The following SYT3 variants were observed in gnomAD, a reference collection of about 807,000 sequenced individuals.
The protein encoded by SYT3 is synaptotagmin 3, also known as synaptotagmin-3.
A neutral mutation model predicts 50.6 loss-of-function variants in SYT3; 25 were observed. The ratio of observed to expected loss-of-function variants is 0.49; its 90% CI spans 0.36 to 0.69. The LOEUF (loss-of-function observed/expected upper bound fraction) is 0.69. SYT3 is among the 30% of genes least tolerant of loss of function. The pLI, the probability that SYT3 is intolerant of heterozygous loss-of-function variation, is 0.00. For synonymous variants in SYT3, 323 were observed against 353.9 expected (o/e 0.91, Z 0.98); for missense variants, 589 against 793.6 (o/e 0.74, Z 3.10).
the SYT3 span, among the ~76,000 whole-genome samples, chr19:50,648,080 C>A: frequency 9.2e-5 from 14 of 152,130 alleles, no homozygotes; most frequent in African/African-American, 2.7e-4. Context: ...GTGTTCCAAT[C>A]ATCTCCAGGA....
chr19:50,643,726 C>A (rs1435673712), upstream of SYT3, among the ~76,000 whole-genome samples: 1 of 151,426 alleles, frequency 6.6e-6, no homozygotes, highest in Non-Finnish European at 1.5e-5. Context: ...TTTTAGACAG[C>A]AGGGATTCAT....
In SYT3 at chr19:50,626,944, C is replaced by T. The variant is rs551973367; in HGVS notation, c.1282-927G>A. On this transcript the variant is annotated intron_variant, in intron 6 of 10. Coordinates refer to ENST00000600079, the MANE Select transcript of SYT3 (RefSeq NM_001160329.2). ...GACTCAGATACCCTACTCCCTGCACCAAGAGAAAGAGAGAGAGAGAGAGAG... is the reference window on the plus strand; with the variant it reads ...GACTCAGATACCCTACTCCCTGCACTAAGAGAAAGAGAGAGAGAGAGAGAG... 3.3e-5 allele frequency among the ~76,000 whole-genome samples: 5 copies of T among 149,644 alleles called. No homozygotes were observed. The South Asian group carries it at 1.1e-3, about 32-fold the overall frequency.
Position 50,625,640 on chromosome 19 carries a change from C to T in SYT3, c.1403-76G>A, listed in dbSNP as rs1019345533. The T allele has an allele frequency of 6.8e-6, 10 of 1,480,304 alleles. No individual in the cohort carries two copies. Among genetic ancestry groups the T allele is most frequent in the Admixed American group, 5.2e-5 (2 of 38,334 alleles). The allele number at this position is 1,480,304 out of a possible 1,614,324, so 91.7% of individuals were successfully genotyped here. ...GGGTCCAGGACCCCAGGCCCCGAGC[C>T]CCTCCTCCCTCAGACCCAGAGGTCC... On this transcript the variant is annotated intron_variant, in intron 7 of 10. Coordinates refer to ENST00000600079, the MANE Select transcript of SYT3 (RefSeq NM_001160329.2). The surrounding 1 kb of genome is among the most constrained non-coding windows in gnomAD (Gnocchi z 7.5).
the SYT3 span, chr19:50,656,111 C>T: frequency 2.0e-6 from 3 of 1,536,164 alleles, no homozygotes; most frequent in East Asian, 2.4e-5. Flanking sequence ...TGGGCAGGCC[C>T]ATCAAATCCT....
the SYT3 span, among the ~76,000 whole-genome samples, chr19:50,653,261 ACTCCTGAG>A: frequency 6.6e-6 from 1 of 151,804 alleles, no homozygotes; most frequent in Non-Finnish European, 1.5e-5. Flanking sequence ...CTGGTCTCGA[ACTCCTGAG>A]CTCAGTCAAT....
rs766137464 is a variant in SYT3, at chr19:50,632,694, G to A, written c.266C>T (p.Ser89Leu). Residue 89 changes from serine to leucine, a missense_variant, in exon 4 of 11, where the codon TCG becomes TTG. Coordinates refer to ENST00000600079, the MANE Select transcript of SYT3 (RefSeq NM_001160329.2). The surrounding 1 kb of genome is among the most constrained non-coding windows in gnomAD (Gnocchi z 4.7). ...GCGCAGGGGGCCACCGCCCACTGCC[G>A]AGCCTCCCTTGTCCCGCCAGGGCAC... ...CWVPWRDKGG[S>L]AVGGGPLRKD... 51 of 1,591,760 alleles carry A rather than the reference G, an allele frequency of 3.2e-5. No individual in the cohort carries two copies. Among genetic ancestry groups the A allele is most frequent in the Non-Finnish European group, 3.8e-5 (45 of 1,169,746 alleles).
chr19:50,648,867 C>A, the SYT3 span, among the ~76,000 whole-genome samples: 2 of 150,902 alleles, frequency 1.3e-5, no homozygotes, highest in Non-Finnish European at 3.0e-5. Flanking sequence ...GAGGGGGCCT[C>A]AAGGGGGCAG....
At chr19:50,649,755 C>T in the SYT3 span, 2 of 628,834 alleles carry the variant, frequency 3.2e-6, no homozygotes, top group Non-Finnish European at 5.9e-6. Context: ...TCCCATGAGC[C>T]TCTGGGGCCT....
intron 3 of SYT3, among the ~76,000 whole-genome samples, chr19:50,634,577 T>G (rs1361639683): frequency 6.2e-5 from 1 of 16,228 alleles, no homozygotes; most frequent in Non-Finnish European, 1.3e-4. Context: ...GGGTGCTTTT[T>G]TTTTTTTTTT....
Position 50,639,881 on chromosome 19 carries a change from T to G in SYT3, c.-245A>C, listed in dbSNP as rs1984624053. The stretch of plus-strand genomic sequence containing the variant: ...CCGGCTCGGCTCCTCCCCTCGCCAC[T>G]GTCGCAGGTCCGCGGCTCCTCCCCC... On this transcript the variant is annotated 5_prime_UTR_variant, in exon 1 of 11. Transcript: ENST00000600079. This position sits in a 1 kb window ranked among gnomAD's most constrained non-coding sequence, Gnocchi z 4.6. 6.6e-6 allele frequency: 1 copy of G among 150,966 alleles called. No homozygotes were observed. Among genetic ancestry groups the G allele is most frequent in the African/African-American group, 2.5e-5 (1 of 40,268 alleles). 9.4% of individuals were successfully genotyped at this position (150,966 alleles called of 1,614,324 possible).
rs1256416413 is a variant in SYT3 at position 50,625,306 on chromosome 19, G to A, written c.1575-12C>T. On this transcript the variant is annotated splice_polypyrimidine_tract_variant and intron_variant, in intron 8 of 10. Coordinates refer to ENST00000600079, the MANE Select transcript of SYT3 (RefSeq NM_001160329.2). The surrounding 1 kb of genome is among the most constrained non-coding windows in gnomAD (Gnocchi z 7.5). ...CGTTGTGCCCGATGCTGGGGGTTGG[G>A]GTCAGTGAGGACCGTGGAGGGTGGT... 2 of 1,533,082 alleles carry A rather than the reference G, an allele frequency of 1.3e-6. No homozygotes were observed. Among genetic ancestry groups the A allele is most frequent in the East Asian group, 4.9e-5 (2 of 40,778 alleles). 95.0% of individuals were successfully genotyped at this position (1,533,082 alleles called of 1,614,324 possible).
chr19:50,640,345 C>T (rs1177649756), upstream of SYT3, among the ~76,000 whole-genome samples: 1 of 152,202 alleles, frequency 6.6e-6, no homozygotes, highest in Non-Finnish European at 1.5e-5. Context: ...AAAATACACA[C>T]CATAAACTTA....
chr19:50,654,423 C>A, the SYT3 span, among the ~76,000 whole-genome samples: 1 of 152,136 alleles, frequency 6.6e-6, no homozygotes, highest in African/African-American at 2.4e-5. Flanking sequence ...CTGCCTCAGC[C>A]TCCCGAGTAG....
intron 4 of SYT3, among the ~76,000 whole-genome samples, chr19:50,631,275 C>T (rs769547111): frequency 1.8e-4 from 27 of 151,404 alleles, no homozygotes; most frequent in African/African-American, 6.1e-4. Context: ...CTCAGCCTCC[C>T]GAGTAGCTGG....
At chr19:50,655,947 C>T in the SYT3 span, 4 of 1,079,248 alleles carry the variant, frequency 3.7e-6, no homozygotes, top group Non-Finnish European at 5.4e-6. Flanking sequence ...GGCATACAAG[C>T]TATTCTGGGT....
the SYT3 span, chr19:50,656,426 CAG>C: frequency 6.9e-7 from 1 of 1,453,130 alleles, no homozygotes; most frequent in Non-Finnish European, 9.1e-7. Flanking sequence ...GCAGTGTGGC[CAG>C]AGTTTAAATT....
chr19:50,657,147 C>T, the SYT3 span, among the ~76,000 whole-genome samples: 1 of 152,046 alleles, frequency 6.6e-6, no homozygotes, highest in East Asian at 1.9e-4. Context: ...CTGAGAAGAG[C>T]TGATGTCAAT....
chr19:50,651,548 C>A, the SYT3 span, among the ~76,000 whole-genome samples: 1 of 152,084 alleles, frequency 6.6e-6, no homozygotes, highest in African/African-American at 2.4e-5. Context: ...CTCCAAGGCA[C>A]ACAGGGGCCC....
At position 50,632,277 on chromosome 19, in the gene SYT3, C is replaced by G. The variant is rs745316503; in HGVS notation, c.674+9G>C. Reference sequence around the variant, plus strand: ...CAGAGTGGACCCCCAACCCAGTATCCTCTCTCACCTGGTAGTGGGTGCCAG... The same window carrying G: ...CAGAGTGGACCCCCAACCCAGTATCGTCTCTCACCTGGTAGTGGGTGCCAG... On this transcript the variant is annotated intron_variant, in intron 4 of 10. Transcript: ENST00000600079. The surrounding 1 kb of genome is among the most constrained non-coding windows in gnomAD (Gnocchi z 4.7). 20 of 1,549,536 alleles carry G rather than the reference C, an allele frequency of 1.3e-5. No individual in the cohort carries two copies. In the South Asian group the frequency reaches 2.3e-4, roughly 18 times the overall value.
Sources: gnomAD v4.1 joint callset for allele counts (sites outside exome capture counted in the v4.1 genomes callset) on GRCh38, gnomAD v4.1.1 for gene constraint, Gnocchi (gnomAD v3.1) non-coding constraint, MANE v1.5 for transcripts, NCBI Gene and HGNC (gene_info 2026-07-23, HGNC 2026-07-21) for gene names.